MB21D2: variants seen among roughly 807,000 people sequenced by gnomAD.
MB21D2 encodes the protein Mab-21 domain containing 2.
Under a neutral mutation model 33.3 loss-of-function variants are expected in MB21D2, and 9 were observed. The observed-to-expected ratio is 0.27, with a 90% CI of 0.16 to 0.47. The LOEUF (loss-of-function observed/expected upper bound fraction) is 0.47. Among genes scored for constraint, MB21D2 ranks in the 20% least tolerant of loss-of-function variants. The pLI is 0.99. For missense variants in MB21D2, 540 were observed against 624.6 expected (o/e 0.86, Z 1.44); for synonymous variants, 241 against 236.3 (o/e 1.02, Z -0.18).
At chr3:192,890,498 G>A (rs1241994351) in intron 1 of MB21D2, among the ~76,000 whole-genome samples, 2 of 150,948 alleles carry the variant, frequency 1.3e-5, no homozygotes, top group African/African-American at 4.9e-5. Flanking sequence ...GGGGCATCAG[G>A]ACAAAAGCGA....
At chr3:192,804,239 T>C (rs1048697886) in intron 1 of MB21D2, among the ~76,000 whole-genome samples, 2 of 152,168 alleles carry the variant, frequency 1.3e-5, no homozygotes, top group African/African-American at 4.8e-5. Flanking sequence ...TCCACTAAAT[T>C]GAAACTGCAA....
At chr3:192,902,337 G>A (rs1002761203) in intron 1 of MB21D2, among the ~76,000 whole-genome samples, 2 of 152,184 alleles carry the variant, frequency 1.3e-5, no homozygotes, top group Non-Finnish European at 2.9e-5. Flanking sequence ...GGTGCAAAGA[G>A]GGAAGGAGCC....
intron 1 of MB21D2, among the ~76,000 whole-genome samples, chr3:192,873,545 C>T (rs1713364174): frequency 6.6e-6 from 1 of 152,118 alleles, no homozygotes; most frequent in South Asian, 2.1e-4. Context: ...TCCCTTCATC[C>T]CACTCCTACC....
intron 1 of MB21D2, among the ~76,000 whole-genome samples, chr3:192,813,696 C>T (rs1222422105): frequency 1.3e-5 from 2 of 152,120 alleles, no homozygotes; most frequent in Non-Finnish European, 2.9e-5. Flanking sequence ...AAGTATCCAC[C>T]TAGTTCTCCG....
chr3:192,805,251 A>G (rs1415486581), intron 1 of MB21D2, among the ~76,000 whole-genome samples: 1 of 152,198 alleles, frequency 6.6e-6, no homozygotes, highest in Non-Finnish European at 1.5e-5. Context: ...GACCATCCAC[A>G]TTTATCATAA....
intron 1 of MB21D2, among the ~76,000 whole-genome samples, chr3:192,834,055 A>G (rs906237883): frequency 6.6e-6 from 1 of 152,174 alleles, no homozygotes; most frequent in Non-Finnish European, 1.5e-5. Flanking sequence ...TGCAGGACCA[A>G]TCACACTGCA....
intron 1 of MB21D2, among the ~76,000 whole-genome samples, chr3:192,896,912 C>T (rs1392550743): frequency 6.6e-6 from 1 of 152,090 alleles, no homozygotes; most frequent in Non-Finnish European, 1.5e-5. Flanking sequence ...AGAGCTGCCT[C>T]CAGACACAAC....
chr3:192,877,842 G>A (rs1480038550), intron 1 of MB21D2, among the ~76,000 whole-genome samples: 1 of 152,074 alleles, frequency 6.6e-6, no homozygotes, highest in East Asian at 1.9e-4. Flanking sequence ...TCTGTCTCCA[G>A]AAGTTGCCAC....
intron 1 of MB21D2, among the ~76,000 whole-genome samples, chr3:192,800,738 C>T (rs1711546672): frequency 6.6e-6 from 1 of 152,136 alleles, no homozygotes; most frequent in African/African-American, 2.4e-5. Flanking sequence ...GAGTTGTGAG[C>T]TGAACTAGCC....
chr3:192,902,827 T>C (rs1421623480), intron 1 of MB21D2, among the ~76,000 whole-genome samples: 2 of 152,216 alleles, frequency 1.3e-5, no homozygotes, highest in African/African-American at 4.8e-5. Flanking sequence ...GCCGGTCCTA[T>C]AGTCCAGAGT....
intron 1 of MB21D2, among the ~76,000 whole-genome samples, chr3:192,908,206 T>C (rs1714253543): frequency 6.6e-6 from 1 of 152,082 alleles, no homozygotes; most frequent in South Asian, 2.1e-4. Flanking sequence ...AATAAAAAGC[T>C]TCACTGGGAA....
intron 1 of MB21D2, among the ~76,000 whole-genome samples, chr3:192,802,462 A>G (rs1711581301): frequency 6.6e-6 from 1 of 152,210 alleles, no homozygotes; most frequent in Non-Finnish European, 1.5e-5. Context: ...CTACCCAAAC[A>G]AAAACCGTCT....
chr3:192,893,681 G>A (rs956758561), intron 1 of MB21D2, among the ~76,000 whole-genome samples: 1 of 152,158 alleles, frequency 6.6e-6, no homozygotes, highest in Non-Finnish European at 1.5e-5. Flanking sequence ...GCATTCCCCC[G>A]TGTCCAAGCA....
At chr3:192,846,364 A>G (rs1560237865) in intron 1 of MB21D2, among the ~76,000 whole-genome samples, 1 of 152,214 alleles carries the variant, frequency 6.6e-6, no homozygotes, top group Non-Finnish European at 1.5e-5. Flanking sequence ...AGCAGTTCAT[A>G]TATATTATTT....
intron 1 of MB21D2, among the ~76,000 whole-genome samples, chr3:192,815,129 G>C (rs1018096632): frequency 6.6e-6 from 1 of 152,198 alleles, no homozygotes; most frequent in Non-Finnish European, 1.5e-5. Flanking sequence ...AATTCGCTAA[G>C]TCTTGGTCTC....
Position 192,917,613 on chromosome 3 carries a change from C to T in MB21D2, c.211+17G>A, listed in dbSNP as rs1201015293. On this transcript the variant is annotated intron_variant, in intron 1 of 1. Transcript: ENST00000392452. The stretch of plus-strand genomic sequence containing the variant: ...CACACACACACGCACACACACCTCC[C>T]CCTTTTTCCTCCTTACCCAGCATGG... 1 of 1,613,310 alleles carries T rather than the reference C, an allele frequency of 6.2e-7. No homozygotes were observed. Among genetic ancestry groups the T allele is most frequent in the Admixed American group, 1.7e-5 (1 of 60,014 alleles).
At chr3:192,832,206 C>G (rs971978818) in intron 1 of MB21D2, among the ~76,000 whole-genome samples, 3 of 152,180 alleles carry the variant, frequency 2.0e-5, no homozygotes, top group African/African-American at 4.8e-5. Flanking sequence ...GCAGTTCTTA[C>G]GAACACACAA....
chr3:192,829,398 G>A (rs57989770), intron 1 of MB21D2, among the ~76,000 whole-genome samples: 3,034 of 152,244 alleles, frequency 0.02, 89 homozygotes, highest in African/African-American at 0.069. Flanking sequence ...AAGTGCGATC[G>A]CCGTTCCATT....
At chr3:192,854,157 A>T (rs1712869443) in intron 1 of MB21D2, among the ~76,000 whole-genome samples, 1 of 152,236 alleles carries the variant, frequency 6.6e-6, no homozygotes, top group Admixed American at 6.5e-5. Context: ...AGCATGTCAA[A>T]AGCTGAGATG....
Sources: gnomAD v4.1 joint callset for allele counts (sites outside exome capture counted in the v4.1 genomes callset) on GRCh38, gnomAD v4.1.1 for gene constraint, MANE v1.5 for transcripts, NCBI Gene and HGNC (gene_info 2026-07-23, HGNC 2026-07-21) for gene names.